DPH5: variants seen among roughly 807,000 people sequenced by gnomAD.
DPH5 encodes the protein diphthamide biosynthesis 5.
DPH5 carries 31 observed loss-of-function variants against 31.6 expected under a neutral mutation model. The observed-to-expected ratio is 0.98, with a 90% CI of 0.74 to 1.32. DPH5 has a LOEUF of 1.32. DPH5 is among the 40% of genes most tolerant of loss of function. DPH5 has a pLI of 0.00. For synonymous variants in DPH5, 120 were observed against 115.0 expected, an observed-to-expected ratio of 1.04 and a Z score of -0.28; for missense variants, 309 against 335.7, an observed-to-expected ratio of 0.92 and a Z score of 0.62.
chr1:101,007,606 T>C (rs921629307), intron 4 of DPH5, among the ~76,000 whole-genome samples: 1 of 151,912 alleles, frequency 6.6e-6, no homozygotes, highest in Non-Finnish European at 1.5e-5. Context: ...TCCCAGCTAC[T>C]CGGGAGGCTG....
intron 2 of DPH5, among the ~76,000 whole-genome samples, chr1:101,024,804 T>C (rs1443972798): frequency 6.6e-6 from 1 of 152,374 alleles, no homozygotes; most frequent in South Asian, 2.1e-4. Context: ...ACTCAATATA[T>C]ACAAGTGTAT....
chr1:101,018,701 T>A (rs1351830509), intron 3 of DPH5, among the ~76,000 whole-genome samples: 1 of 152,184 alleles, frequency 6.6e-6, no homozygotes, highest in Non-Finnish European at 1.5e-5. Context: ...TAATTGACAA[T>A]ATGCTTTATT....
chr1:101,022,528 C>CT (rs886462891), intron 2 of DPH5, among the ~76,000 whole-genome samples: 2 of 151,520 alleles, frequency 1.3e-5, no homozygotes, highest in Non-Finnish European at 1.5e-5. Flanking sequence ...GAATCCTTTT[C>CT]TTTTTTTTCA....
chr1:101,025,517 A>C (rs1322440542), intron 1 of DPH5, 51 bp from the exon 2 acceptor site: 1 of 1,570,354 alleles, frequency 6.4e-7, no homozygotes, highest in African/African-American at 1.4e-5. Context: ...AGGACATCTA[A>C]AATCTAGTGA....
intron 4 of DPH5, among the ~76,000 whole-genome samples, chr1:101,011,317 TGTG>T (rs769194385): frequency 7.2e-5 from 11 of 152,182 alleles, no homozygotes; most frequent in Non-Finnish European, 1.6e-4. Context: ...TTCATAGAAA[TGTG>T]ATCACTATAT....
Position 100,990,353 on chromosome 1 carries a change from C to A in DPH5, c.*55G>T. ...GACTTGGGTGGGGATACATCCAAAC[C>A]ATATCAATCCATATATGGCTGAAAT... is the stretch of plus-strand genomic sequence containing the variant. On this transcript the variant is annotated 3_prime_UTR_variant, in exon 8 of 8. Transcript: ENST00000370109. 1 of 1,528,496 alleles carries A rather than the reference C, an allele frequency of 6.5e-7. No individual in the cohort carries two copies. The highest frequency in any genetic ancestry group is 1.1e-5 in the South Asian group (1 of 88,650). The allele number at this position is 1,528,496 out of a possible 1,614,324, so 94.7% of individuals were successfully genotyped here.
At chr1:101,002,101 AT>A (rs1658914600) in intron 4 of DPH5, among the ~76,000 whole-genome samples, 1 of 152,208 alleles carries the variant, frequency 6.6e-6, no homozygotes, top group Non-Finnish European at 1.5e-5. Flanking sequence ...AAAACAAAGC[AT>A]ATGCTCACTC....
intron 5 of DPH5, 54 bp downstream of exon 5, chr1:101,001,413 A>C: frequency 6.4e-7 from 1 of 1,558,946 alleles, no homozygotes; most frequent in South Asian, 1.2e-5. Context: ...AATCAAAATG[A>C]GAACAGTATG....
chr1:101,001,124 G>A (rs1658832815), intron 5 of DPH5, among the ~76,000 whole-genome samples: 1 of 152,178 alleles, frequency 6.6e-6, no homozygotes, highest in Admixed American at 6.5e-5. Context: ...GGAAGATGCA[G>A]GATGGTCCTT....
chr1:101,021,835 C>CACAA (rs1660475632), intron 2 of DPH5, 70 bp from the exon 3 acceptor site: 17 of 1,322,514 alleles, frequency 1.3e-5, no homozygotes, highest in Non-Finnish European at 1.7e-5. Context: ...CACACACACA[C>CACAA]ACACACACAC....
intron 5 of DPH5, among the ~76,000 whole-genome samples, chr1:100,999,260 G>A (rs1570661639): frequency 6.6e-6 from 1 of 151,750 alleles, no homozygotes; most frequent in East Asian, 1.9e-4. Flanking sequence ...GACCAGCCTG[G>A]GCAACATGGC....
rs1657535067 is a variant in DPH5, at chr1:100,990,155, C to T, written c.*253G>A. The T allele has an allele frequency of 2.1e-6, 1 of 467,822 alleles. No homozygotes were observed. Among genetic ancestry groups the T allele is most frequent in the Admixed American group, 3.7e-5 (1 of 27,200 alleles). 29.0% of individuals were successfully genotyped at this position (467,822 alleles called of 1,614,324 possible). A position where few individuals can be genotyped will look rare whatever the true frequency, so the allele number is the denominator to read the frequency against. ...ACAATCACGGTGGAAGGCACCTCTT[C>T]ACAGGGCGGCAAGAGTGAGAATGAG... On this transcript the variant is annotated 3_prime_UTR_variant, in exon 8 of 8. Transcript: ENST00000370109.
At chr1:101,021,417 T>C (rs1328896193) in intron 3 of DPH5, among the ~76,000 whole-genome samples, 1 of 152,202 alleles carries the variant, frequency 6.6e-6, no homozygotes, top group African/African-American at 2.4e-5. Context: ...GAGTTGACAC[T>C]TGATAATGTA....
At chr1:101,009,103 T>TA (rs1310011864) in intron 4 of DPH5, among the ~76,000 whole-genome samples, 10 of 152,206 alleles carry the variant, frequency 6.6e-5, no homozygotes, top group Admixed American at 5.9e-4. Context: ...ATTTAATACC[T>TA]ACCCCATGAC....
At chr1:101,020,172 C>A (rs1660345720) in intron 3 of DPH5, among the ~76,000 whole-genome samples, 1 of 152,044 alleles carries the variant, frequency 6.6e-6, no homozygotes, top group African/African-American at 2.4e-5. Context: ...TATGAGCATT[C>A]TTCCTTCTAC....
intron 4 of DPH5, among the ~76,000 whole-genome samples, chr1:101,003,462 C>T (rs1659014378): frequency 6.6e-6 from 1 of 152,176 alleles, no homozygotes; most frequent in African/African-American, 2.4e-5. Context: ...TCTCATACAG[C>T]AGAGAAAGGC....
intron 7 of DPH5, among the ~76,000 whole-genome samples, chr1:100,992,360 A>G (rs866059803): frequency 6.6e-6 from 1 of 152,160 alleles, no homozygotes; most frequent in Non-Finnish European, 1.5e-5. Context: ...ATACAGTAAT[A>G]TATTTATATC....
intron 6 of DPH5, 143 bp from the exon 7 acceptor site, chr1:100,992,883 A>C (rs1007263092): frequency 1.5e-5 from 8 of 520,812 alleles, no homozygotes; most frequent in African/African-American, 1.3e-4. Flanking sequence ...CACTTTAAGC[A>C]TACACAAAAG....
At chr1:101,014,020 C>CAG (rs1309300257) in intron 3 of DPH5, among the ~76,000 whole-genome samples, 1 of 152,150 alleles carries the variant, frequency 6.6e-6, no homozygotes, top group Non-Finnish European at 1.5e-5. Flanking sequence ...TGCTGAGTTG[C>CAG]TACTGTAACA....
Sources: gnomAD v4.1 joint callset for allele counts (sites outside exome capture counted in the v4.1 genomes callset) on GRCh38, gnomAD v4.1.1 for gene constraint, MANE v1.5 for transcripts, NCBI Gene and HGNC (gene_info 2026-07-23, HGNC 2026-07-21) for gene names.